PLA2G5: variants seen among roughly 807,000 people sequenced by gnomAD.
The protein encoded by PLA2G5 is Ca2+-dependent phospholipase A2.
A neutral mutation model predicts 15.9 loss-of-function variants in PLA2G5; 12 were observed. The ratio of observed to expected loss-of-function variants is 0.76; its 90% CI spans 0.48 to 1.23. The LOEUF (loss-of-function observed/expected upper bound fraction) is 1.23, where lower values mean the gene tolerates loss of function less well. PLA2G5 is among the 50% of genes most tolerant of loss of function. The probability of loss-of-function intolerance (pLI) is 0.00; values close to 1 mark genes in which losing one functional copy is unlikely to be tolerated. For synonymous variants in PLA2G5, 71 were observed against 71.4 expected, an observed-to-expected ratio of 0.99 and a Z score of 0.03; for missense variants, 169 against 177.1, an observed-to-expected ratio of 0.95 and a Z score of 0.26.
chr1:20,065,151 A>G (rs1356304835), intron 2 of PLA2G5, among the ~76,000 whole-genome samples: 2 of 152,244 alleles, frequency 1.3e-5, no homozygotes, highest in African/African-American at 4.8e-5. Flanking sequence ...TTAGATTTAC[A>G]TAAGAATTGT....
intron 1 of PLA2G5, among the ~76,000 whole-genome samples, chr1:20,050,689 C>T (rs1393927842): frequency 6.6e-6 from 1 of 152,134 alleles, no homozygotes; most frequent in Non-Finnish European, 1.5e-5. Flanking sequence ...AGTCTCCTTT[C>T]TCAAATAATA....
upstream of PLA2G5, among the ~76,000 whole-genome samples, chr1:20,068,501 G>T (rs2015170995): frequency 6.7e-6 from 1 of 150,282 alleles, no homozygotes; most frequent in African/African-American, 2.5e-5. Context: ...GCCCAGGCTG[G>T]AGTGCAATGG....
At chr1:20,055,887 C>T (rs1335345635) in intron 1 of PLA2G5, among the ~76,000 whole-genome samples, 2 of 152,156 alleles carry the variant, frequency 1.3e-5, no homozygotes, top group Non-Finnish European at 2.9e-5. Flanking sequence ...GCATGTTGAA[C>T]AGAAGGTCCT....
intron 2 of PLA2G5, among the ~76,000 whole-genome samples, chr1:20,064,186 A>C (rs1465368703): frequency 6.6e-6 from 1 of 152,232 alleles, no homozygotes; most frequent in Non-Finnish European, 1.5e-5. Context: ...AGGATGAAAC[A>C]TCAGTGGAAA....
At chr1:20,079,677 T>C (rs1383478318) in intron 1 of PLA2G5, among the ~76,000 whole-genome samples, 2 of 152,110 alleles carry the variant, frequency 1.3e-5, no homozygotes, top group Admixed American at 6.5e-5. Flanking sequence ...CCTTGTTTTA[T>C]ATACTACATT....
chr1:20,065,477 A>G (rs1384154699), upstream of PLA2G5, among the ~76,000 whole-genome samples: 1 of 152,112 alleles, frequency 6.6e-6, no homozygotes, highest in Non-Finnish European at 1.5e-5. Context: ...CTGTCTCCAT[A>G]GTTTTAATTA....
At chr1:20,064,931 C>A (rs1222685413) in intron 2 of PLA2G5, among the ~76,000 whole-genome samples, 2 of 152,100 alleles carry the variant, frequency 1.3e-5, no homozygotes, top group East Asian at 1.9e-4. Flanking sequence ...TTAGCAAGAT[C>A]CCCCAGTTGA....
intron 1 of PLA2G5, among the ~76,000 whole-genome samples, chr1:20,037,405 A>G (rs2013318801): frequency 6.6e-6 from 1 of 152,134 alleles, no homozygotes; most frequent in Non-Finnish European, 1.5e-5. Flanking sequence ...CTGTGATGTG[A>G]TCCATCTTCA....
intron 1 of PLA2G5, among the ~76,000 whole-genome samples, chr1:20,052,296 T>C (rs1225472234): frequency 6.6e-6 from 1 of 152,140 alleles, no homozygotes; most frequent in African/African-American, 2.4e-5. Flanking sequence ...GTCTTTCAAA[T>C]AATGTTTTCC....
chr1:20,068,684 C>T (rs1016551200), upstream of PLA2G5, among the ~76,000 whole-genome samples: 5 of 152,128 alleles, frequency 3.3e-5, no homozygotes, highest in Non-Finnish European at 7.3e-5. Flanking sequence ...CTCCCGACCT[C>T]AGCTGATCCG....
At chr1:20,033,660 T>G (rs575190716) in intron 1 of PLA2G5, among the ~76,000 whole-genome samples, 4 of 152,282 alleles carry the variant, frequency 2.6e-5, no homozygotes, top group Admixed American at 2.6e-4. Context: ...TGTGGGGTGT[T>G]GCTGTATGTT....
At chr1:20,038,506 A>G (rs2013402756) in intron 1 of PLA2G5, among the ~76,000 whole-genome samples, 1 of 152,148 alleles carries the variant, frequency 6.6e-6, no homozygotes, top group South Asian at 2.1e-4. Context: ...AATTCATTTC[A>G]GCTCTAGGTA....
At chr1:20,086,352 C>A in intron 3 of PLA2G5, 125 bp downstream of exon 3, 1 of 1,131,262 alleles carries the variant, frequency 8.8e-7, no homozygotes, top group South Asian at 1.6e-5. Flanking sequence ...AAAACTAAGC[C>A]TCAAAGAAAT....
intron 1 of PLA2G5, among the ~76,000 whole-genome samples, chr1:20,036,375 C>T (rs534049167): frequency 6.6e-6 from 1 of 152,174 alleles, no homozygotes; most frequent in Admixed American, 6.5e-5. Flanking sequence ...ACCAATTATT[C>T]ATTCTTAGGT....
chr1:20,040,294 T>G (rs2013520349), intron 1 of PLA2G5, among the ~76,000 whole-genome samples: 1 of 152,184 alleles, frequency 6.6e-6, no homozygotes, highest in Non-Finnish European at 1.5e-5. Flanking sequence ...TTCAAGATGA[T>G]GCAAAGGGAT....
At chr1:20,066,486 G>A (rs2015037337), upstream of PLA2G5, among the ~76,000 whole-genome samples, 1 of 152,116 alleles carries the variant, frequency 6.6e-6, no homozygotes, top group Non-Finnish European at 1.5e-5. Context: ...CCATATTGGG[G>A]GTATTTACAC....
intron 1 of PLA2G5, among the ~76,000 whole-genome samples, chr1:20,044,069 C>A (rs1021968576): frequency 2.0e-5 from 3 of 152,140 alleles, no homozygotes; most frequent in Non-Finnish European, 4.4e-5. Flanking sequence ...TCCAGTGGGT[C>A]CCTGCACAGA....
At chr1:20,044,528 C>T (rs546968839) in intron 1 of PLA2G5, among the ~76,000 whole-genome samples, 246 of 152,250 alleles carry the variant, frequency 1.6e-3, no homozygotes, top group Admixed American at 4.7e-3. Flanking sequence ...AAGCCATGGA[C>T]TGGGTTGGGT....
chr1:20,054,323 A>G (rs544227342), intron 1 of PLA2G5, among the ~76,000 whole-genome samples: 1 of 152,334 alleles, frequency 6.6e-6, no homozygotes, highest in Admixed American at 6.5e-5. Flanking sequence ...TTCAAAGGTG[A>G]ACTCACTGGA....
Sources: allele counts gnomAD v4.1 joint callset (sites outside exome capture counted in the v4.1 genomes callset), GRCh38; gene constraint gnomAD v4.1.1; transcripts MANE v1.5; gene names NCBI Gene and HGNC (gene_info 2026-07-23, HGNC 2026-07-21).